Variants in OR3A2 observed in about 807,000 individuals in gnomAD.
OR3A2 encodes olfactory receptor 3A2.
For missense variants in OR3A2, 318 were observed against 392.8 expected (o/e 0.81, Z 1.61); for synonymous variants, 126 against 159.3 (o/e 0.79, Z 1.57).
chr17:3,295,203 T>G (rs900041720), intron 3 of OR3A2, among the ~76,000 whole-genome samples: 6 of 152,136 alleles, frequency 3.9e-5, no homozygotes, highest in Non-Finnish European at 7.4e-5. Context: ...TTTCCTCATC[T>G]TCTATAGCTG....
At chr17:3,309,138 T>G (rs573643424) in intron 3 of OR3A2, among the ~76,000 whole-genome samples, 9 of 152,160 alleles carry the variant, frequency 5.9e-5, no homozygotes, top group Admixed American at 2.0e-4. Context: ...ACTCCTGACC[T>G]CAGGTGATCC....
chr17:3,355,933 G>A (rs1229968124), intron 2 of OR3A2, among the ~76,000 whole-genome samples: 2 of 150,766 alleles, frequency 1.3e-5, no homozygotes, highest in Non-Finnish European at 3.0e-5. Context: ...TTTTAGTCAA[G>A]ATTATTTGCT....
chr17:3,326,016 C>T (rs916635535), intron 3 of OR3A2, among the ~76,000 whole-genome samples: 1 of 152,004 alleles, frequency 6.6e-6, no homozygotes, highest in Non-Finnish European at 1.5e-5. Flanking sequence ...GTTCATCTCC[C>T]GCTTATAAGT....
upstream of OR3A2, among the ~76,000 whole-genome samples, chr17:3,289,279 A>G (rs546394024): frequency 4.6e-5 from 7 of 152,374 alleles, no homozygotes; most frequent in South Asian, 1.5e-3. Context: ...TTAAGTAGCA[A>G]GGAGATTTCC....
chr17:3,302,553 A>C (rs1308242361), intron 3 of OR3A2, among the ~76,000 whole-genome samples: 8 of 152,200 alleles, frequency 5.3e-5, no homozygotes, highest in Admixed American at 4.6e-4. Flanking sequence ...GGAGCAACAA[A>C]AATTTTTATA....
chr17:3,369,378 T>C (rs1477564017), intron 2 of OR3A2, among the ~76,000 whole-genome samples: 1 of 152,238 alleles, frequency 6.6e-6, no homozygotes, highest in Non-Finnish European at 1.5e-5. Flanking sequence ...GGGTTTGTGA[T>C]AGATGGCTTT....
At chr17:3,321,429 G>A (rs1039616045) in intron 3 of OR3A2, among the ~76,000 whole-genome samples, 1 of 151,954 alleles carries the variant, frequency 6.6e-6, no homozygotes, top group African/African-American at 2.4e-5. Context: ...GAATAGGAGT[G>A]GTGAGAGAGG....
chr17:3,300,697 T>C (rs1341107303), intron 3 of OR3A2, among the ~76,000 whole-genome samples: 1 of 152,336 alleles, frequency 6.6e-6, no homozygotes, highest in Middle Eastern at 3.4e-3. Flanking sequence ...TTTTTCTTTT[T>C]TTTTTAAATT....
At chr17:3,277,020 T>G (rs1174827659), downstream of OR3A2, 1 of 150,586 alleles carries the variant, frequency 6.6e-6, no homozygotes, top group Admixed American at 6.7e-5. Flanking sequence ...GCCCCCCAGG[T>G]TCACGCCATT....
chr17:3,289,190 C>T (rs1233007518), upstream of OR3A2, among the ~76,000 whole-genome samples: 4 of 152,076 alleles, frequency 2.6e-5, no homozygotes, highest in East Asian at 1.9e-4. Flanking sequence ...GATTACTGTG[C>T]GGATGGTGCG....
chr17:3,301,575 G>A (rs1293246717), intron 3 of OR3A2, among the ~76,000 whole-genome samples: 1 of 152,142 alleles, frequency 6.6e-6, no homozygotes, highest in Non-Finnish European at 1.5e-5. Flanking sequence ...TAAGTTCTTT[G>A]TAGATTCTGG....
chr17:3,365,149 C>T (rs35135635), intron 2 of OR3A2, among the ~76,000 whole-genome samples: 6,374 of 152,196 alleles, frequency 0.042, 278 homozygotes, highest in African/African-American at 0.11. Context: ...AGTCTTATAA[C>T]ACCTTGAGAA....
At chr17:3,346,651 T>A (rs1423231217) in intron 2 of OR3A2, among the ~76,000 whole-genome samples, 1 of 152,132 alleles carries the variant, frequency 6.6e-6, no homozygotes, top group Non-Finnish European at 1.5e-5. Context: ...CCATGGTTTT[T>A]TTTTTTGTAC....
intron 2 of OR3A2, among the ~76,000 whole-genome samples, chr17:3,362,557 T>C (rs888515394): frequency 1.3e-5 from 2 of 151,722 alleles, no homozygotes; most frequent in South Asian, 2.1e-4. Flanking sequence ...GGGCATTTAG[T>C]GCTATAAATT....
chr17:3,363,356 A>T (rs2049534917), intron 2 of OR3A2, among the ~76,000 whole-genome samples: 1 of 151,808 alleles, frequency 6.6e-6, no homozygotes, highest in Non-Finnish European at 1.5e-5. Context: ...TCTCAAGTTC[A>T]AAGTTCCACA....
chr17:3,357,926 T>C (rs1014159794), intron 2 of OR3A2, among the ~76,000 whole-genome samples: 6 of 151,596 alleles, frequency 4.0e-5, no homozygotes, highest in East Asian at 1.9e-4. Flanking sequence ...AGAAACCTAA[T>C]AGGCTAGTGA....
Position 3,292,611 on chromosome 17 carries a change from G to A in OR3A2, c.-84-13458C>T, listed in dbSNP as rs779417193. 2.0e-6 allele frequency: 3 copies of A among 1,528,224 alleles called. No homozygotes were observed. The South Asian group carries it at 3.6e-5, about 19-fold the overall frequency. 94.7% of individuals were successfully genotyped at this position (1,528,224 alleles called of 1,614,324 possible). A position where few individuals can be genotyped will look rare whatever the true frequency, so the allele number is the denominator to read the frequency against. On this transcript the variant is annotated intron_variant, in intron 3 of 4. Transcript: ENST00000573491. ...TTCCTGCAAAGAAACATCCAGGGAG[G>A]AAAAGAATCACTCCTCCCAATAATT...
At chr17:3,386,071 C>G in intron 1 of OR3A2, 54 bp downstream of exon 1, 1 of 398,822 alleles carries the variant, frequency 2.5e-6, no homozygotes, top group Middle Eastern at 6.3e-4. Flanking sequence ...CATGGTGGCG[C>G]TGGTGAGATC....
intron 1 of OR3A2, among the ~76,000 whole-genome samples, chr17:3,283,374 C>T (rs1306374363): frequency 6.6e-6 from 1 of 152,008 alleles, no homozygotes; most frequent in Non-Finnish European, 1.5e-5. Flanking sequence ...TACAGGCATG[C>T]GCCACCACGC....
Sources: allele counts gnomAD v4.1 joint callset (sites outside exome capture counted in the v4.1 genomes callset), GRCh38; gene constraint gnomAD v4.1.1; transcripts MANE v1.5; gene names NCBI Gene and HGNC (gene_info 2026-07-23, HGNC 2026-07-21).